Variants in GOLM2 observed in about 807,000 individuals in gnomAD.
GOLM2 encodes golgi membrane protein 2.
A neutral mutation model predicts 55.9 loss-of-function variants in GOLM2; 26 were observed. The ratio of observed to expected loss-of-function variants is 0.47; its 90% CI spans 0.34 to 0.65. The LOEUF (loss-of-function observed/expected upper bound fraction) is 0.65, where lower values mean the gene tolerates loss of function less well. Among genes scored for constraint, GOLM2 ranks in the 30% least tolerant of loss-of-function variants. GOLM2 has a pLI of 0.01. For missense variants in GOLM2, 486 were observed against 531.8 expected (o/e 0.91, Z 0.85); for synonymous variants, 165 against 194.6 (o/e 0.85, Z 1.27).
chr15:44,391,031 T>C (rs1331395840), intron 8 of GOLM2, among the ~76,000 whole-genome samples: 1 of 152,214 alleles, frequency 6.6e-6, no homozygotes, highest in African/African-American at 2.4e-5. Context: ...GTTACCTAAA[T>C]TGGCTCATGA....
intron 1 of GOLM2, among the ~76,000 whole-genome samples, chr15:44,297,117 T>G (rs141412533): frequency 2.0e-5 from 3 of 152,236 alleles, no homozygotes; most frequent in Non-Finnish European, 4.4e-5. Context: ...ATTCCTTCAG[T>G]GTATCATATT....
intron 6 of GOLM2, among the ~76,000 whole-genome samples, chr15:44,346,975 A>T (rs77402040): frequency 1.3e-5 from 2 of 151,938 alleles, no homozygotes; most frequent in Non-Finnish European, 2.9e-5. Context: ...AAAAAAAAAA[A>T]TGGCTAGGCA....
At chr15:44,370,309 G>T (rs1460661004) in intron 6 of GOLM2, among the ~76,000 whole-genome samples, 1 of 152,094 alleles carries the variant, frequency 6.6e-6, no homozygotes, top group African/African-American at 2.4e-5. Flanking sequence ...TTATGCTTTG[G>T]TTTTTTGCTT....
intron 9 of GOLM2, 121 bp downstream of exon 9, chr15:44,403,175 T>G: frequency 8.5e-7 from 1 of 1,182,184 alleles, no homozygotes; most frequent in Non-Finnish European, 1.2e-6. Flanking sequence ...TTTTGTTTTT[T>G]CTTTGTGACG....
At chr15:44,338,103 G>A in intron 5 of GOLM2, 134 bp from the exon 6 acceptor site, 3 of 993,704 alleles carry the variant, frequency 3.0e-6, no homozygotes, top group Admixed American at 2.8e-5. Context: ...TTACAGCTAT[G>A]TCCAAAGCAA....
chr15:44,364,636 A>G (rs1163956808), intron 6 of GOLM2, among the ~76,000 whole-genome samples: 1 of 151,940 alleles, frequency 6.6e-6, no homozygotes, highest in Admixed American at 6.6e-5. Flanking sequence ...CAGAGATTGC[A>G]GTGAGCCATG....
chr15:44,350,381 G>T (rs2079153525), intron 6 of GOLM2, among the ~76,000 whole-genome samples: 1 of 152,118 alleles, frequency 6.6e-6, no homozygotes. Context: ...AGAAGAAAGG[G>T]TTAAATTCCT....
chr15:44,387,008 C>T (rs28491281), intron 8 of GOLM2, among the ~76,000 whole-genome samples: 1 of 151,842 alleles, frequency 6.6e-6, no homozygotes, highest in African/African-American at 2.4e-5. Flanking sequence ...AACCCTGTCT[C>T]TACAAAAAAT....
At chr15:44,410,001 G>A (rs2079626619) in intron 9 of GOLM2, among the ~76,000 whole-genome samples, 1 of 151,330 alleles carries the variant, frequency 6.6e-6, no homozygotes, top group Non-Finnish European at 1.5e-5. Flanking sequence ...ATTATCCACT[G>A]CTACATGATG....
At chr15:44,394,360 TC>T (rs2079510833) in intron 8 of GOLM2, among the ~76,000 whole-genome samples, 2 of 152,268 alleles carry the variant, frequency 1.3e-5, no homozygotes, top group East Asian at 1.9e-4. Flanking sequence ...ATTGCGAACA[TC>T]ATAGAGTGTA....
chr15:44,364,066 A>G (rs1172610548), intron 6 of GOLM2, among the ~76,000 whole-genome samples: 1 of 151,612 alleles, frequency 6.6e-6, no homozygotes, highest in Admixed American at 6.6e-5. Flanking sequence ...GCGGGGAGGG[A>G]TAGCATTGGG....
At chr15:44,313,022 T>C (rs962603433) in intron 1 of GOLM2, among the ~76,000 whole-genome samples, 3 of 151,422 alleles carry the variant, frequency 2.0e-5, no homozygotes, top group Admixed American at 2.0e-4. Flanking sequence ...GAGGTTGTAG[T>C]GAGCTGAGAT....
chr15:44,308,001 GC>G (rs1425616226), intron 1 of GOLM2: 1 of 152,144 alleles, frequency 6.6e-6, no homozygotes, highest in African/African-American at 2.4e-5. Context: ...CTGAGTTAAA[GC>G]TATTTGGGGC....
intron 8 of GOLM2, among the ~76,000 whole-genome samples, chr15:44,386,129 T>G (rs1479582744): frequency 6.6e-6 from 1 of 152,210 alleles, no homozygotes; most frequent in Non-Finnish European, 1.5e-5. Context: ...TAATGAAGAT[T>G]TCCCCCTGTG....
intron 6 of GOLM2, among the ~76,000 whole-genome samples, chr15:44,361,702 C>T (rs1230707563): frequency 3.3e-5 from 5 of 151,934 alleles, no homozygotes; most frequent in African/African-American, 1.2e-4. Context: ...TTTATGAGGC[C>T]AGCATCATCC....
At chr15:44,326,663 T>TC (rs2078983216) in intron 2 of GOLM2, among the ~76,000 whole-genome samples, 1 of 150,150 alleles carries the variant, frequency 6.7e-6, no homozygotes, top group African/African-American at 2.4e-5. Context: ...AGTTTTTTTT[T>TC]TTTTTTGAGA....
At chr15:44,393,211 A>G (rs1195898262) in intron 8 of GOLM2, among the ~76,000 whole-genome samples, 2 of 152,224 alleles carry the variant, frequency 1.3e-5, no homozygotes, top group Non-Finnish European at 2.9e-5. Context: ...ATATTTCTGT[A>G]TATAGCAGCA....
intron 8 of GOLM2, among the ~76,000 whole-genome samples, chr15:44,382,920 CAAAA>C (rs748415327): frequency 1.7e-5 from 1 of 57,652 alleles, no homozygotes; most frequent in Non-Finnish European, 3.6e-5. Flanking sequence ...GAGACTCTGT[CAAAA>C]AAAAAAAAAA....
At chr15:44,386,482 G>A (rs2079444749) in intron 8 of GOLM2, among the ~76,000 whole-genome samples, 1 of 152,130 alleles carries the variant, frequency 6.6e-6, no homozygotes. Context: ...CTTCAACTTT[G>A]TTCATCTTTA....
Sources: gnomAD v4.1 joint callset for allele counts (sites outside exome capture counted in the v4.1 genomes callset) on GRCh38, gnomAD v4.1.1 for gene constraint, MANE v1.5 for transcripts, NCBI Gene and HGNC (gene_info 2026-07-23, HGNC 2026-07-21) for gene names.